The following SYT1 variants were observed in gnomAD, a reference collection of about 807,000 sequenced individuals.
The protein encoded by SYT1 is synaptotagmin 1, also known as synaptotagmin-1.
A neutral mutation model predicts 44.8 loss-of-function variants in SYT1; 8 were observed. The observed-to-expected ratio is 0.18, with a 90% CI of 0.10 to 0.32. The LOEUF is 0.32. SYT1 is among the 10% of genes least tolerant of loss of function. SYT1 has a pLI of 1.00. For missense variants in SYT1, 286 were observed against 509.3 expected (o/e 0.56, Z 4.22); for synonymous variants, 154 against 188.8 (o/e 0.82, Z 1.51).
chr12:78,973,865 C>T (rs1314758162), intron 1 of SYT1, among the ~76,000 whole-genome samples: 1 of 135,318 alleles, frequency 7.4e-6, no homozygotes, highest in Non-Finnish European at 1.6e-5. Flanking sequence ...AAAAAATTAA[C>T]TCTTGTAGAT....
chr12:79,308,228 G>A lies in SYT1; in HGVS notation c.810+8677G>A, dbSNP rs78745218. 3.5e-3 allele frequency among the ~76,000 whole-genome samples: 532 copies of A among 152,258 alleles called. 2 individuals carry two copies. The highest frequency in any genetic ancestry group is 5.7e-3 in the Non-Finnish European group (388 of 68,018). On this transcript the variant is annotated intron_variant, in intron 8 of 10. Transcript: ENST00000261205. ...AGTGCACAGTGCCAAGAAATTTTTTGTGGAAGTGCGGAGAGGCAGGCCGCG... is the reference window on the plus strand; with the variant it reads ...AGTGCACAGTGCCAAGAAATTTTTTATGGAAGTGCGGAGAGGCAGGCCGCG...
At chr12:79,202,731 A>G (rs890958758) in intron 3 of SYT1, among the ~76,000 whole-genome samples, 2 of 152,202 alleles carry the variant, frequency 1.3e-5, no homozygotes, top group African/African-American at 4.8e-5. Flanking sequence ...ACTTTGATCA[A>G]TGATGGACAC....
intron 3 of SYT1, among the ~76,000 whole-genome samples, chr12:79,130,187 A>T (rs1868717897): frequency 6.6e-6 from 1 of 152,150 alleles, no homozygotes; most frequent in Non-Finnish European, 1.5e-5. Flanking sequence ...GTGTTTTTTC[A>T]CAGTGAGCTG....
At chr12:79,237,310 T>C (rs1449488668) in intron 4 of SYT1, among the ~76,000 whole-genome samples, 3 of 152,214 alleles carry the variant, frequency 2.0e-5, no homozygotes, top group East Asian at 1.9e-4. Flanking sequence ...TGAGATTTCT[T>C]TGACCACATA....
intron 9 of SYT1, among the ~76,000 whole-genome samples, chr12:79,436,243 T>C (rs1417368576): frequency 2.0e-5 from 3 of 152,288 alleles, no homozygotes; most frequent in Admixed American, 1.3e-4. Context: ...AGAGCCCTAA[T>C]TGATACCAGT....
At chr12:79,426,946 G>A (rs1261959708) in intron 9 of SYT1, among the ~76,000 whole-genome samples, 1 of 152,080 alleles carries the variant, frequency 6.6e-6, no homozygotes, top group Non-Finnish European at 1.5e-5. Flanking sequence ...TAAGCATCTG[G>A]CATTTCCCCT....
chr12:79,359,277 C>T (rs1444076110), intron 9 of SYT1, among the ~76,000 whole-genome samples: 1 of 152,112 alleles, frequency 6.6e-6, no homozygotes, highest in East Asian at 1.9e-4. Flanking sequence ...TTCCAGCAGC[C>T]TCCTGAACAT....
intron 3 of SYT1, among the ~76,000 whole-genome samples, chr12:79,154,419 A>C (rs1161472740): frequency 6.7e-6 from 1 of 149,392 alleles, no homozygotes. Context: ...TTTTTTTTTT[A>C]ATAAATGAGG....
At chr12:79,238,421 C>T (rs139475359) in intron 4 of SYT1, among the ~76,000 whole-genome samples, 1 of 152,238 alleles carries the variant, frequency 6.6e-6, no homozygotes, top group Non-Finnish European at 1.5e-5. Flanking sequence ...GGATTTAGAG[C>T]TCTTTGTTGA....
chr12:78,866,008 CA>C (rs1873525093), intron 1 of SYT1, among the ~76,000 whole-genome samples: 2 of 151,750 alleles, frequency 1.3e-5, no homozygotes, highest in Admixed American at 6.6e-5. Flanking sequence ...TGTAAAGTTT[CA>C]AAACATTTGC....
At chr12:79,278,184 A>T (rs954697067) in intron 4 of SYT1, among the ~76,000 whole-genome samples, 1 of 152,136 alleles carries the variant, frequency 6.6e-6, no homozygotes, top group Non-Finnish European at 1.5e-5. Context: ...TTTACAAAAC[A>T]TTCTGCCCCA....
intron 2 of SYT1, among the ~76,000 whole-genome samples, chr12:79,044,316 T>C (rs988493788): frequency 6.6e-6 from 1 of 152,172 alleles, no homozygotes; most frequent in Non-Finnish European, 1.5e-5. Flanking sequence ...CTTGGAAGCT[T>C]TGCTCATTTC....
At chr12:79,419,383 A>G in intron 9 of SYT1, 1 of 449,924 alleles carries the variant, frequency 2.2e-6, no homozygotes, top group South Asian at 1.6e-5. Context: ...CCATGAATTC[A>G]TCAGTCATAG....
chr12:79,087,305 T>A (rs1877450785), intron 3 of SYT1, among the ~76,000 whole-genome samples: 1 of 152,180 alleles, frequency 6.6e-6, no homozygotes, highest in Non-Finnish European at 1.5e-5. Flanking sequence ...AAGTCTCTTA[T>A]GGAACTCGTT....
chr12:79,086,123 A>T (rs905071985), intron 3 of SYT1, among the ~76,000 whole-genome samples: 1 of 152,162 alleles, frequency 6.6e-6, no homozygotes, highest in East Asian at 1.9e-4. Context: ...TTAGAAAAGA[A>T]TCTAGAACAT....
chr12:79,198,038 A>C (rs1027543060), intron 3 of SYT1, among the ~76,000 whole-genome samples: 2 of 152,174 alleles, frequency 1.3e-5, no homozygotes, highest in African/African-American at 4.8e-5. Context: ...AAAACAGAAA[A>C]GAATTCACAT....
chr12:79,012,311 G>A (rs1343258004), intron 2 of SYT1, among the ~76,000 whole-genome samples: 3 of 152,044 alleles, frequency 2.0e-5, no homozygotes, highest in African/African-American at 4.8e-5. Context: ...TGAGAACTCT[G>A]AAGTTTCACC....
At chr12:78,946,660 C>A (rs1351567469) in intron 1 of SYT1, among the ~76,000 whole-genome samples, 1 of 150,388 alleles carries the variant, frequency 6.6e-6, no homozygotes, top group African/African-American at 2.5e-5. Context: ...GCACTTCAGC[C>A]TAACAGCCTA....
intron 1 of SYT1, among the ~76,000 whole-genome samples, chr12:78,934,011 C>T (rs1877898520): frequency 6.6e-6 from 1 of 151,902 alleles, no homozygotes; most frequent in South Asian, 2.1e-4. Flanking sequence ...ACAGTTATTC[C>T]CTTTATTCAG....
Sources: allele counts gnomAD v4.1 joint callset (sites outside exome capture counted in the v4.1 genomes callset), GRCh38; gene constraint gnomAD v4.1.1; transcripts MANE v1.5; gene names NCBI Gene and HGNC (gene_info 2026-07-23, HGNC 2026-07-21).